NLRP14: variants seen among roughly 807,000 people sequenced by gnomAD.
NLRP14 encodes the protein NLR family pyrin domain containing 14, also known as NACHT, LRR and PYD domains-containing protein 14.
Under a neutral mutation model 94.7 loss-of-function variants are expected in NLRP14, and 105 were observed. That is an observed-to-expected ratio of 1.11 (90% CI 0.95 to 1.30). NLRP14 has a LOEUF of 1.30. NLRP14 is among the 50% of genes most tolerant of loss of function. The probability of loss-of-function intolerance (pLI) is 0.00; values close to 1 mark genes in which losing one functional copy is unlikely to be tolerated. For missense variants in NLRP14, 1,362 were observed against 1,254.1 expected, an observed-to-expected ratio of 1.09 and a Z score of -1.30; for synonymous variants, 508 against 459.9, an observed-to-expected ratio of 1.10 and a Z score of -1.34.
Position 7,042,710 on chromosome 11 carries a change from C to G in NLRP14, c.684C>G (p.Ser228Arg), listed in dbSNP as rs557025521. Reference protein sequence around the residue: ...GREINQLKERSFAQLISKDWP... With the variant: ...GREINQLKERRFAQLISKDWP... Reference sequence around the variant, plus strand: ...AAATTAACCAGCTGAAAGAGAGAAGCTTTGCTCAATTGATATCAAAGGACT... The same window carrying G: ...AAATTAACCAGCTGAAAGAGAGAAGGTTTGCTCAATTGATATCAAAGGACT... The change falls in exon 4 of 12, where the codon AGC becomes AGG. Residue 228 changes from serine to arginine, a missense_variant. Transcript: ENST00000299481. The G allele has an allele frequency of 4.3e-6, 7 of 1,614,082 alleles. No individual in the cohort carries two copies. The South Asian group carries it at 6.6e-5, about 15-fold the overall frequency.
At chr11:7,041,930 A>C (rs1220246099) in intron 3 of NLRP14, among the ~76,000 whole-genome samples, 1 of 151,752 alleles carries the variant, frequency 6.6e-6, no homozygotes, top group Admixed American at 6.6e-5. Context: ...TATTTCTATT[A>C]ACTTTTTACT....
At chr11:7,067,045 T>G (rs1384785505) in intron 10 of NLRP14, among the ~76,000 whole-genome samples, 3 of 152,216 alleles carry the variant, frequency 2.0e-5, no homozygotes, top group African/African-American at 7.2e-5. Flanking sequence ...GCTTTTGCTC[T>G]GTTCCATTGG....
chr11:7,051,911 G>A (rs954009556), intron 6 of NLRP14, among the ~76,000 whole-genome samples: 7 of 152,256 alleles, frequency 4.6e-5, no homozygotes, highest in Admixed American at 6.5e-5. Context: ...ATGAGCCATC[G>A]CACCTGGCCC....
rs149372088 is a variant in NLRP14 at position 7,035,334 on chromosome 11, G to A, written c.-21-3232G>A. Among the ~76,000 whole-genome samples the A allele has an allele frequency of 1.3e-4, 20 of 152,120 alleles. No homozygotes were observed. The East Asian group carries it at 3.1e-3, about 24-fold the overall frequency. ...AGCGAGACTCCATCTCCAAAAAAAC[G>A]AAGTTGTTCACTTAGCAGTAGAGGT... is the stretch of plus-strand genomic sequence containing the variant. On this transcript the variant is annotated intron_variant, in intron 1 of 11. Transcript: ENST00000299481.
intron 9 of NLRP14, among the ~76,000 whole-genome samples, chr11:7,061,839 TGG>T (rs1352999166): frequency 6.6e-6 from 1 of 151,976 alleles, no homozygotes; most frequent in Non-Finnish European, 1.5e-5. Flanking sequence ...GAGAATAATG[TGG>T]GGACAAAATA....
chr11:7,022,215 T>C (rs1223412917), intron 1 of NLRP14, among the ~76,000 whole-genome samples: 3 of 152,186 alleles, frequency 2.0e-5, no homozygotes, highest in Admixed American at 6.5e-5. Context: ...TTGAAAATTA[T>C]TGGTCATGGA....
At chr11:7,048,120 T>C (rs2119641239) in intron 5 of NLRP14, among the ~76,000 whole-genome samples, 1 of 152,280 alleles carries the variant, frequency 6.6e-6, no homozygotes, top group African/African-American at 2.4e-5. Flanking sequence ...TGTTGCAACT[T>C]TTAGTAGTTT....
At chr11:7,058,915 G>T (rs918355000) in intron 8 of NLRP14, among the ~76,000 whole-genome samples, 7 of 151,856 alleles carry the variant, frequency 4.6e-5, no homozygotes, top group African/African-American at 1.7e-4. Context: ...GAATTAATAA[G>T]CCAAGGTTTT....
At chr11:7,083,303 C>A in the NLRP14 span, among the ~76,000 whole-genome samples, 1 of 152,228 alleles carries the variant, frequency 6.6e-6, no homozygotes, top group Non-Finnish European at 1.5e-5. Flanking sequence ...CATTCCAATT[C>A]TCTACTGAAT....
At chr11:7,060,884 A>G (rs942665006) in intron 9 of NLRP14, among the ~76,000 whole-genome samples, 5 of 152,054 alleles carry the variant, frequency 3.3e-5, no homozygotes, top group Non-Finnish European at 7.4e-5. Flanking sequence ...ACATTGAAAT[A>G]CTTATTTCAA....
At chr11:7,081,011 C>A in the NLRP14 span, among the ~76,000 whole-genome samples, 4 of 151,508 alleles carry the variant, frequency 2.6e-5, no homozygotes, top group Non-Finnish European at 4.4e-5. Flanking sequence ...GGACAGAAAT[C>A]TTTCTGGCCC....
chr11:7,020,963 C>G (rs1220724487), intron 1 of NLRP14, among the ~76,000 whole-genome samples, 193 bp downstream of exon 1: 1 of 152,222 alleles, frequency 6.6e-6, no homozygotes, highest in Non-Finnish European at 1.5e-5. Context: ...CCTGGGACCA[C>G]AGAGAGTTGC....
the NLRP14 span, chr11:7,089,378 A>C: frequency 6.2e-7 from 1 of 1,602,182 alleles, no homozygotes; most frequent in East Asian, 2.3e-5. Context: ...AGGCCACCAA[A>C]CCGGCGTTCG....
intron 7 of NLRP14, among the ~76,000 whole-genome samples, chr11:7,058,068 T>C (rs958933497): frequency 1.3e-5 from 2 of 151,962 alleles, no homozygotes; most frequent in African/African-American, 4.8e-5. Flanking sequence ...TTATTTTCAT[T>C]CTTTTCCAAG....
chr11:7,066,567 G>C (rs1465017474), intron 10 of NLRP14, among the ~76,000 whole-genome samples: 1 of 151,816 alleles, frequency 6.6e-6, no homozygotes, highest in African/African-American at 2.4e-5. Flanking sequence ...TTTTTTTCTT[G>C]TCAATTTGTT....
Position 7,043,155 on chromosome 11 carries a change from A to G in NLRP14, c.1129A>G (p.Thr377Ala). Residue 377 changes from threonine (T) to alanine (A), a missense_variant, in exon 4 of 12, where the codon ACT (threonine) becomes GCT (alanine). Thr to Ala is a moderately conservative substitution (Grantham distance 58, BLOSUM62 0). Transcript: ENST00000299481. The stretch of plus-strand genomic sequence containing the variant: ...CCCCCTAGTGTGCTGGGCCGCTTGT[A>G]CTTGTCTGAAGCAGCAAATGGAGAA... ...QVPLVCWAAC[T>A]CLKQQMEKGG... The G allele has an allele frequency of 1.9e-6, 3 of 1,614,132 alleles. No homozygotes were observed. Among genetic ancestry groups the G allele is most frequent in the Non-Finnish European group, 1.7e-6 (2 of 1,180,014 alleles).
intron 1 of NLRP14, among the ~76,000 whole-genome samples, 197 bp downstream of exon 1, chr11:7,020,967 G>A (rs1002748702): frequency 6.6e-6 from 1 of 152,222 alleles, no homozygotes; most frequent in African/African-American, 2.4e-5. Context: ...GGACCACAGA[G>A]AGTTGCAAGA....
chr11:7,031,390 A>T (rs989241778), intron 1 of NLRP14, among the ~76,000 whole-genome samples: 10 of 152,290 alleles, frequency 6.6e-5, no homozygotes, highest in African/African-American at 2.4e-4. Context: ...CCAGGGTGGG[A>T]CACTTCTGGG....
intron 6 of NLRP14, among the ~76,000 whole-genome samples, chr11:7,052,202 A>T (rs921351325): frequency 6.6e-6 from 1 of 152,180 alleles, no homozygotes; most frequent in African/African-American, 2.4e-5. Flanking sequence ...CTTTATAAGC[A>T]AGGTAAGGGA....
Sources: gnomAD v4.1 joint callset for allele counts (sites outside exome capture counted in the v4.1 genomes callset) on GRCh38, gnomAD v4.1.1 for gene constraint, MANE v1.5 for transcripts, NCBI Gene and HGNC (gene_info 2026-07-23, HGNC 2026-07-21) for gene names.